DHX29: variants seen among roughly 807,000 people sequenced by gnomAD.
DHX29 encodes the protein DExH-box helicase 29, also known as ATP-dependent RNA helicase DHX29.
Under a neutral mutation model 167.9 loss-of-function variants are expected in DHX29, and 79 were observed. The observed-to-expected ratio is 0.47, with a 90% confidence interval of 0.39 to 0.57. The LOEUF (loss-of-function observed/expected upper bound fraction) is 0.57. Ranked by LOEUF, DHX29 falls within the 20% of genes least tolerant of loss-of-function variation. The pLI, the probability that DHX29 is intolerant of heterozygous loss-of-function variation, is 0.00. For synonymous variants in DHX29, 530 were observed against 546.0 expected (o/e 0.97, Z 0.41); for missense variants, 1,347 against 1,593.4 (o/e 0.85, Z 2.63).
In DHX29 at chr5:55,283,573, T is replaced by C; in HGVS notation, c.1595A>G (p.Asp532Gly). 6.2e-7 allele frequency: 1 copy of C among 1,614,162 alleles called. No homozygotes were observed. The highest frequency in any genetic ancestry group is 8.5e-7 in the Non-Finnish European group (1 of 1,180,026). ...TGATTCCAAGGACAGTGCAGAAAAA[T>C]CCTCATCCGAAACTAAATTTTCCCA... Reference protein sequence around the residue: ...ESWENLVSDEDFSALSLESAN... With the variant: ...ESWENLVSDEGFSALSLESAN... The change falls in exon 11 of 27, where the codon GAT becomes GGT. Residue 532 changes from aspartate (D) to glycine (G), a missense_variant. Asp to Gly is a moderately conservative substitution (Grantham distance 94). Transcript: ENST00000251636.
rs112275843 is a variant in DHX29 at position 55,290,892 on chromosome 5, A to G, written c.781-548T>C. On this transcript the variant is annotated intron_variant, in intron 6 of 26. Coordinates refer to ENST00000251636, the MANE Select transcript of DHX29 (RefSeq NM_019030.4). ...TAGCTGGGTGTGGGGGTGGATGCCTATAATCCCAGCTACCCAGAAGGCTGA... is the reference window on the plus strand; with the variant it reads ...TAGCTGGGTGTGGGGGTGGATGCCTGTAATCCCAGCTACCCAGAAGGCTGA... Among the ~76,000 whole-genome samples the G allele has an allele frequency of 2.4e-3, 365 of 152,176 alleles. 2 individuals are homozygous for G. Among genetic ancestry groups the G allele is most frequent in the Middle Eastern group, 0.024 (7 of 294 alleles).
intron 6 of DHX29, among the ~76,000 whole-genome samples, chr5:55,293,681 T>C (rs1262519237): frequency 6.6e-6 from 1 of 152,212 alleles, no homozygotes; most frequent in Non-Finnish European, 1.5e-5. Flanking sequence ...TCTTACCATA[T>C]GATGTCTATG....
At position 55,269,504 on chromosome 5, in the gene DHX29, G is replaced by A. The variant is rs141718719; in HGVS notation, c.3203C>T (p.Pro1068Leu). Residue 1068 changes from proline to leucine, a missense_variant, in exon 21 of 27, where the codon CCG becomes CTG. Transcript: ENST00000251636. ...TAAAGCTGCAAGGTGTTGGCCCAAC[G>A]GAGTCAGTTTAGGCTCATTTAATTC... Reference protein sequence around the residue: ...ACELNEPKLTPLGQHLAALPV... With the variant: ...ACELNEPKLTLLGQHLAALPV... The A allele has an allele frequency of 2.3e-4, 378 of 1,613,958 alleles. No individual in the cohort carries two copies. The highest frequency in any genetic ancestry group is 3.0e-4 in the Non-Finnish European group (357 of 1,180,024).
At chr5:55,284,854 C>T (rs1439187961) in intron 10 of DHX29, among the ~76,000 whole-genome samples, 1 of 151,988 alleles carries the variant, frequency 6.6e-6, no homozygotes, top group Non-Finnish European at 1.5e-5. Context: ...TATAGTGAGA[C>T]CCTGTCTCTA....
chr5:55,264,045 A>G (rs1746435249), intron 23 of DHX29, among the ~76,000 whole-genome samples: 1 of 152,018 alleles, frequency 6.6e-6, no homozygotes, highest in South Asian at 2.1e-4. Flanking sequence ...CTGTAATCCT[A>G]GCACTTTGGG....
chr5:55,303,876 TTA>T (rs1352733698), intron 1 of DHX29, among the ~76,000 whole-genome samples: 2 of 152,244 alleles, frequency 1.3e-5, no homozygotes, highest in Non-Finnish European at 2.9e-5. Flanking sequence ...TTTTTCTATT[TTA>T]GTGACCCTAA....
chr5:55,280,159 C>T (rs1054219989), intron 12 of DHX29, among the ~76,000 whole-genome samples: 2 of 152,084 alleles, frequency 1.3e-5, no homozygotes, highest in African/African-American at 4.8e-5. Flanking sequence ...CTTAACATGA[C>T]GATGAATTTC....
At position 55,261,495 on chromosome 5, in the gene DHX29, C is replaced by CT. The variant is rs1247622618; in HGVS notation, c.3832dup (p.Arg1278LysfsTer24). 1.3e-6 allele frequency: 2 copies of CT among 1,558,930 alleles called. No individual in the cohort carries two copies. The highest frequency in any genetic ancestry group is 2.3e-5 in the South Asian group (2 of 86,838). ...TTCTCTCAAATACACTCTGGCATAC[C>CT]TTATCTACATGGGAAAAAGGGGGGA... On this transcript the variant is annotated frameshift_variant, in exon 25 of 27. Transcript: ENST00000251636. LOFTEE classifies it high-confidence loss of function.
chr5:55,305,350 G>T (rs1292433894), intron 1 of DHX29, among the ~76,000 whole-genome samples: 1 of 152,164 alleles, frequency 6.6e-6, no homozygotes, highest in African/African-American at 2.4e-5. Flanking sequence ...AACATGGCAA[G>T]AATAAATACG....
chr5:55,291,542 C>G (rs1488934331), intron 6 of DHX29, among the ~76,000 whole-genome samples: 9 of 152,152 alleles, frequency 5.9e-5, no homozygotes, highest in Admixed American at 5.9e-4. Context: ...AATTTGTCAT[C>G]TTAACCATTT....
At chr5:55,278,260 G>C (rs893305496) in intron 12 of DHX29, among the ~76,000 whole-genome samples, 3 of 152,118 alleles carry the variant, frequency 2.0e-5, no homozygotes, top group African/African-American at 7.2e-5. Flanking sequence ...TAGCACAAAA[G>C]GATAAAGTGT....
chr5:55,307,290 T>G, intron 1 of DHX29, 97 bp downstream of exon 1: 1 of 1,029,604 alleles, frequency 9.7e-7, no homozygotes, highest in Non-Finnish European at 1.4e-6. Context: ...AATAGAAATG[T>G]TGGGCCCGAA....
Position 55,283,382 on chromosome 5 carries a change from C to G in DHX29, c.1786G>C (p.Glu596Gln). The change falls in exon 11 of 27, where the codon GAA (glutamate) becomes CAA (glutamine). Residue 596 changes from glutamate to glutamine, a missense_variant. Around this residue, in one of 3 missense-constraint regions of DHX29, gnomAD observed 882 missense variants for 1,082.4 expected, o/e 0.81. Coordinates refer to ENST00000251636, the MANE Select transcript of DHX29 (RefSeq NM_019030.4). ...KRHRVVVVAG[E>Q]TGSGKSTQVP... ...TGAGTACTTTTACCACTCCCTGTTT[C>G]ACCTGCCACAACCACTACCCGATGC... The G allele has an allele frequency of 6.2e-7, 1 of 1,614,196 alleles. No homozygotes were observed. Among genetic ancestry groups the G allele is most frequent in the Non-Finnish European group, 8.5e-7 (1 of 1,180,016 alleles).
chr5:55,296,462 C>CT lies in DHX29; in HGVS notation c.376-114dup, dbSNP rs951506839. 1.5e-5 allele frequency: 19 copies of CT among 1,293,196 alleles called. No homozygotes were observed. In the African/African-American group the frequency reaches 2.7e-4, roughly 19 times the overall value. The allele number at this position is 1,293,196 out of a possible 1,614,324, so 80.1% of individuals were successfully genotyped here. On this transcript the variant is annotated intron_variant, in intron 3 of 26. Coordinates refer to ENST00000251636, the MANE Select transcript of DHX29 (RefSeq NM_019030.4). ...TTTGACACAAATTATAATTTCAAAA[C>CT]TATCTTTTTTTTCCCAGTTAAAAAT...
intron 16 of DHX29, among the ~76,000 whole-genome samples, chr5:55,274,213 G>A (rs1746991615): frequency 6.6e-6 from 1 of 151,880 alleles, no homozygotes; most frequent in Non-Finnish European, 1.5e-5. Context: ...GGGCAACAGG[G>A]GGAGACCTTG....
intron 14 of DHX29, among the ~76,000 whole-genome samples, chr5:55,275,707 A>G (rs1249558592): frequency 6.6e-6 from 1 of 152,130 alleles, no homozygotes; most frequent in Non-Finnish European, 1.5e-5. Flanking sequence ...AGGAAGAACT[A>G]TGCCCTAGAC....
Position 55,307,413 on chromosome 5 carries a change from C to CCGGCAGCGGCAG in DHX29, c.149_160dup (p.Ala50_Ala53dup), listed in dbSNP as rs752682712. 2 of 1,612,974 alleles carry CCGGCAGCGGCAG rather than the reference C, an allele frequency of 1.2e-6. No homozygotes were observed. The highest frequency in any genetic ancestry group is 2.2e-5 in the South Asian group (2 of 91,050). On this transcript the variant is annotated inframe_insertion, in exon 1 of 27. Transcript: ENST00000251636. ...TTGCTTGACACGGGGCTCCCTGGAG[C>CCGGCAGCGGCAG]CGGCAGCGGCAGCGGCAGCGGTGGC...
Position 55,307,517 on chromosome 5 carries a change from G to C in DHX29, c.57C>G (p.Ala19=), listed in dbSNP as rs907957488. 1 of 1,613,604 alleles carries C rather than the reference G, an allele frequency of 6.2e-7. No individual in the cohort carries two copies. Residue 19 remains alanine, a synonymous_variant, in exon 1 of 27, where the codon GCC becomes GCG. Transcript: ENST00000251636. ...KAPAAAVVRA[A]VSASRAKSAE... The stretch of plus-strand genomic sequence containing the variant: ...CAGATTTGGCTCTGGAAGCAGACAC[G>C]GCGGCCCGGACCACCGCGGCCGCTG...
intron 25 of DHX29, 60 bp downstream of exon 25, chr5:55,261,308 C>A: frequency 2.4e-6 from 2 of 842,958 alleles, no homozygotes; most frequent in South Asian, 2.2e-5. Flanking sequence ...AAAAATGTAC[C>A]TCAATGGTAC....
Sources: gnomAD v4.1 joint callset for allele counts (sites outside exome capture counted in the v4.1 genomes callset) on GRCh38, gnomAD v4.1.1 for gene constraint, gnomAD v4.1.1 regional missense constraint, MANE v1.5 for transcripts, NCBI Gene and HGNC (gene_info 2026-07-23, HGNC 2026-07-21) for gene names.